ZNF710: variants seen among roughly 807,000 people sequenced by gnomAD.
ZNF710 encodes zinc finger protein 710.
ZNF710 carries 13 observed loss-of-function variants against 50.6 expected under a neutral mutation model. The observed-to-expected ratio is 0.26, with a 90% confidence interval of 0.17 to 0.41. ZNF710 has a LOEUF of 0.41. Ranked by LOEUF, ZNF710 falls within the 10% of genes least tolerant of loss-of-function variation. The pLI is 1.00. For missense variants in ZNF710, 721 were observed against 936.6 expected (o/e 0.77, Z 3.01); for synonymous variants, 383 against 397.0 (o/e 0.96, Z 0.42).
intron 1 of ZNF710, among the ~76,000 whole-genome samples, chr15:90,031,382 C>G (rs933470124): frequency 6.6e-6 from 1 of 152,200 alleles, no homozygotes. Context: ...TCACAGCACC[C>G]TAGACCTGCT....
At position 90,079,661 on chromosome 15, in the gene ZNF710, C is replaced by A. The variant is rs557607961; in HGVS notation, c.1827C>A (p.Asp609Glu). The A allele has an allele frequency of 2.5e-6, 4 of 1,612,940 alleles. No homozygotes were observed. In the South Asian group the frequency reaches 4.4e-5, roughly 18 times the overall value. ...GVMDIGLDSQ[D>E]PMMELTGTDP... ...TCTGACTGTGCCCCTCTCTTACAGACCCCATGATGGAGCTGACAGGCACTG... is the reference window on the plus strand; with the variant it reads ...TCTGACTGTGCCCCTCTCTTACAGAACCCATGATGGAGCTGACAGGCACTG... Residue 609 changes from aspartate to glutamate, a missense_variant and splice_region_variant, in exon 5 of 5, where the codon GAC (aspartate) becomes GAA (glutamate). Asp to Glu is a conservative substitution (Grantham distance 45). Transcript: ENST00000268154.
intron 1 of ZNF710, among the ~76,000 whole-genome samples, chr15:90,065,525 G>A (rs1900141001): frequency 1.3e-5 from 2 of 152,242 alleles, no homozygotes; most frequent in South Asian, 2.1e-4. Context: ...CCAGGAGCAG[G>A]TGGACCTCGA....
chr15:90,080,869 T>C lies in ZNF710; in HGVS notation c.*1040T>C, dbSNP rs1465418570. On this transcript the variant is annotated 3_prime_UTR_variant, in exon 5 of 5. Coordinates refer to ENST00000268154, the MANE Select transcript of ZNF710 (RefSeq NM_198526.4). Reference sequence around the variant, plus strand: ...AGGGGGTCTTCTGAAGGTAACTTATTATTTTTTTCTTTCCAACTGTGTGTC... The same window carrying C: ...AGGGGGTCTTCTGAAGGTAACTTATCATTTTTTTCTTTCCAACTGTGTGTC... 1 of 152,270 alleles carries C rather than the reference T, an allele frequency of 6.6e-6. No individual in the cohort carries two copies. Among genetic ancestry groups the C allele is most frequent in the Non-Finnish European group, 1.5e-5 (1 of 68,060 alleles). 9.4% of individuals were successfully genotyped at this position (152,270 alleles called of 1,614,324 possible).
chr15:90,054,201 G>A (rs988570344), intron 1 of ZNF710, among the ~76,000 whole-genome samples: 2 of 152,142 alleles, frequency 1.3e-5, no homozygotes, highest in African/African-American at 4.8e-5. Flanking sequence ...ATGAAAGAGG[G>A]AAGAAAGAGA....
intron 1 of ZNF710, among the ~76,000 whole-genome samples, chr15:90,030,978 C>T (rs902031832): frequency 2.9e-5 from 4 of 137,924 alleles, no homozygotes; most frequent in African/African-American, 1.1e-4. Context: ...GAGATCCCGC[C>T]ACTGCACTCC....
At chr15:90,074,430 T>TA in intron 4 of ZNF710, 140 bp downstream of exon 4, 1 of 1,542,958 alleles carries the variant, frequency 6.5e-7, no homozygotes, top group South Asian at 1.2e-5. Flanking sequence ...GGAAGGGGGG[T>TA]ACCCTGGAAG....
At chr15:90,018,942 A>G (rs778921551) in intron 1 of ZNF710, among the ~76,000 whole-genome samples, 1 of 152,116 alleles carries the variant, frequency 6.6e-6, no homozygotes, top group Non-Finnish European at 1.5e-5. Context: ...CCAAGGAATG[A>G]ACAGTCTCTT....
intron 1 of ZNF710, among the ~76,000 whole-genome samples, chr15:90,011,876 C>T (rs1203332847): frequency 1.3e-5 from 2 of 152,048 alleles, no homozygotes; most frequent in African/African-American, 2.4e-5. Context: ...TATTTACAAG[C>T]GTCATTCCAC....
chr15:90,073,268 C>A lies in ZNF710; in HGVS notation c.1650+6C>A, dbSNP rs573546789. 12 of 1,609,116 alleles carry A rather than the reference C, an allele frequency of 7.5e-6. No individual in the cohort carries two copies. Among genetic ancestry groups the A allele is most frequent in the Non-Finnish European group, 1.0e-5 (12 of 1,176,038 alleles). On this transcript the variant is annotated splice_donor_region_variant and intron_variant, in intron 3 of 4. Coordinates refer to ENST00000268154, the MANE Select transcript of ZNF710 (RefSeq NM_198526.4). ...TGAAGCCATTCAAATGCAAGGTACC[C>A]GGTCATCAGGCCCCGGGGCTGGGAC...
At chr15:90,049,371 G>C (rs1285813807) in intron 1 of ZNF710, among the ~76,000 whole-genome samples, 1 of 152,162 alleles carries the variant, frequency 6.6e-6, no homozygotes, top group Non-Finnish European at 1.5e-5. Context: ...GGCCGGAGGG[G>C]CCTCAACCCC....
intron 1 of ZNF710, among the ~76,000 whole-genome samples, chr15:90,033,413 G>A (rs1443946978): frequency 6.6e-6 from 1 of 152,194 alleles, no homozygotes; most frequent in Non-Finnish European, 1.5e-5. Context: ...AGCAGGAGAA[G>A]AGTTGGACAG....
chr15:90,067,204 G>A lies in ZNF710; in HGVS notation c.67G>A (p.Ala23Thr), dbSNP rs1023246758. 1.3e-5 allele frequency: 21 copies of A among 1,613,680 alleles called. No homozygotes were observed. The highest frequency in any genetic ancestry group is 4.0e-5 in the African/African-American group (3 of 75,062). The change falls in exon 2 of 5, where the codon GCC becomes ACC. Residue 23 changes from alanine (A) to threonine (T), a missense_variant. Transcript: ENST00000268154. This position sits in a 1 kb window ranked among gnomAD's most constrained non-coding sequence, Gnocchi z 8.1. ...AVVVLSLAQA[A>T]VLGLVSENEL... ...GGTGGTGCTGTCCTTGGCTCAGGCC[G>A]CCGTGCTTGGCCTGGTCTCCGAAAA... is the stretch of plus-strand genomic sequence containing the variant.
Position 90,062,984 on chromosome 15 carries a change from G to A in ZNF710, c.-28-4126G>A, listed in dbSNP as rs1337937071. ...GCCAAGTCTCCAGGCCAGTGTAAAA[G>A]AAAGCGTGGGGCCAACTGCCCAGGT... On this transcript the variant is annotated intron_variant, in intron 1 of 4. Transcript: ENST00000268154. This position sits in a 1 kb window ranked among gnomAD's most constrained non-coding sequence, Gnocchi z 5.6. 6.6e-6 allele frequency among the ~76,000 whole-genome samples: 1 copy of A among 152,170 alleles called. No individual in the cohort carries two copies. Among genetic ancestry groups the A allele is most frequent in the Non-Finnish European group, 1.5e-5 (1 of 68,016 alleles).
intron 4 of ZNF710, among the ~76,000 whole-genome samples, chr15:90,077,238 GCTTT>G (rs529597308): frequency 8.7e-6 from 1 of 114,332 alleles, no homozygotes; most frequent in Non-Finnish European, 1.7e-5. Flanking sequence ...TTCTCAAGGT[GCTTT>G]TTTTTTTTTT....
At chr15:90,058,011 G>A (rs1899878132) in intron 1 of ZNF710, among the ~76,000 whole-genome samples, 1 of 152,106 alleles carries the variant, frequency 6.6e-6, no homozygotes, top group Admixed American at 6.5e-5. Flanking sequence ...CCTCACACAG[G>A]GGCCACCCTG....
At chr15:90,029,858 G>A (rs1479852037) in intron 1 of ZNF710, among the ~76,000 whole-genome samples, 5 of 151,080 alleles carry the variant, frequency 3.3e-5, no homozygotes, top group African/African-American at 7.3e-5. Flanking sequence ...TAGGTGATCC[G>A]CCCACCTCGG....
chr15:90,028,836 G>A (rs1198364691), intron 1 of ZNF710, among the ~76,000 whole-genome samples: 1 of 152,156 alleles, frequency 6.6e-6, no homozygotes, highest in Non-Finnish European at 1.5e-5. Flanking sequence ...AAAATTGCTT[G>A]TGGCATCCAG....
chr15:90,058,722 C>T (rs568380478), intron 1 of ZNF710, among the ~76,000 whole-genome samples: 7,166 of 139,696 alleles, frequency 0.051, 796 homozygotes, highest in African/African-American at 0.22. Flanking sequence ...TATATATACA[C>T]ACATATACAC....
chr15:90,012,079 C>A (rs1898319708), intron 1 of ZNF710, among the ~76,000 whole-genome samples: 1 of 151,854 alleles, frequency 6.6e-6, no homozygotes, highest in Non-Finnish European at 1.5e-5. Flanking sequence ...GTGGCGTGTG[C>A]CTGTAGTCCC....
Sources: allele counts gnomAD v4.1 joint callset (sites outside exome capture counted in the v4.1 genomes callset), GRCh38; gene constraint gnomAD v4.1.1; non-coding constraint Gnocchi (gnomAD v3.1); transcripts MANE v1.5; gene names NCBI Gene and HGNC (gene_info 2026-07-23, HGNC 2026-07-21).